Variants in PHLDB2 observed in about 807,000 individuals in gnomAD.
The protein encoded by PHLDB2 is pleckstrin homology like domain family B member 2, also known as pleckstrin homology-like domain family B member 2.
In PHLDB2, 71 loss-of-function variants were observed where a neutral mutation model predicts 123.6. That is an observed-to-expected ratio of 0.57 (90% CI 0.47 to 0.70). The LOEUF (loss-of-function observed/expected upper bound fraction) is 0.70. Among genes scored for constraint, PHLDB2 ranks in the 30% least tolerant of loss-of-function variants. The pLI is 0.00. For synonymous variants in PHLDB2, 547 were observed against 541.6 expected (o/e 1.01, Z -0.14); for missense variants, 1,446 against 1,519.5 (o/e 0.95, Z 0.80).
At chr3:111,763,305 G>A (rs909011303) in intron 1 of PHLDB2, among the ~76,000 whole-genome samples, 7 of 152,202 alleles carry the variant, frequency 4.6e-5, no homozygotes, top group South Asian at 2.1e-4. Flanking sequence ...ACATAATAGC[G>A]AACTGCAAAC....
intron 1 of PHLDB2, among the ~76,000 whole-genome samples, chr3:111,813,012 C>T (rs1559844832): frequency 2.0e-5 from 3 of 152,124 alleles, no homozygotes; most frequent in Admixed American, 6.5e-5. Context: ...CTAGAAGCTC[C>T]GCTAAAGAAG....
intron 2 of PHLDB2, among the ~76,000 whole-genome samples, chr3:111,906,100 C>T (rs1204648747): frequency 1.3e-5 from 2 of 152,172 alleles, no homozygotes; most frequent in Admixed American, 1.3e-4. Context: ...TTGCCTACAA[C>T]GTTCAGTGCA....
At chr3:111,838,260 T>C (rs2063508754) in intron 1 of PHLDB2, among the ~76,000 whole-genome samples, 1 of 152,180 alleles carries the variant, frequency 6.6e-6, no homozygotes, top group African/African-American at 2.4e-5. Context: ...CTTTATCTCC[T>C]GATCGGCTGG....
chr3:111,756,667 A>G (rs1367779646), intron 1 of PHLDB2, among the ~76,000 whole-genome samples: 2 of 152,038 alleles, frequency 1.3e-5, no homozygotes, highest in Admixed American at 1.3e-4. Context: ...TAATATTGTT[A>G]TGTGTGAATT....
chr3:111,761,183 CAA>C (rs60999461), intron 1 of PHLDB2, among the ~76,000 whole-genome samples: 30,154 of 110,962 alleles, frequency 0.27, 3,282 homozygotes, highest in Non-Finnish European at 0.3. Context: ...GACTCCATCT[CAA>C]AAAAAAAAAA....
At chr3:111,868,036 G>C (rs1297545387) in intron 1 of PHLDB2, among the ~76,000 whole-genome samples, 1 of 151,800 alleles carries the variant, frequency 6.6e-6, no homozygotes, top group Non-Finnish European at 1.5e-5. Flanking sequence ...ATCTTGCTGC[G>C]TCACCCAGAC....
In PHLDB2 at chr3:111,859,820, G is replaced by T. The variant is rs1408968496; in HGVS notation, c.-15+244G>T. The T allele has an allele frequency of 3.0e-6, 3 of 985,656 alleles. No individual in the cohort carries two copies. The African/African-American group carries it at 5.2e-5, about 17-fold the overall frequency. 61.1% of individuals were successfully genotyped at this position (985,656 alleles called of 1,614,324 possible). ...GGAGACAGGGTGGGCGGGGGCAAAG[G>T]CTAGGCGCTAGGGCGGCGGCGCCAG... On this transcript the variant is annotated intron_variant, in intron 1 of 17. Coordinates refer to ENST00000431670, the MANE Select transcript of PHLDB2 (RefSeq NM_001134438.2).
At chr3:111,892,228 A>T (rs2066545922) in intron 2 of PHLDB2, among the ~76,000 whole-genome samples, 1 of 152,196 alleles carries the variant, frequency 6.6e-6, no homozygotes, top group Non-Finnish European at 1.5e-5. Flanking sequence ...TAAGGCACAT[A>T]TTAATGTTTC....
chr3:111,959,316 C>G (rs1433341805), intron 12 of PHLDB2, among the ~76,000 whole-genome samples: 1 of 152,166 alleles, frequency 6.6e-6, no homozygotes, highest in East Asian at 1.9e-4. Context: ...AGGGAGGAAG[C>G]TAGGCCAGGT....
chr3:111,751,397 C>A (rs7609653), intron 1 of PHLDB2, among the ~76,000 whole-genome samples: 57,106 of 152,078 alleles, frequency 0.38, 13,080 homozygotes, highest in South Asian at 0.55. Flanking sequence ...CTATTTATTA[C>A]TTATTACCAC....
intron 2 of PHLDB2, among the ~76,000 whole-genome samples, chr3:111,904,757 A>G (rs773141315): frequency 7.2e-5 from 11 of 152,188 alleles, no homozygotes; most frequent in Non-Finnish European, 1.3e-4. Flanking sequence ...GATAATCAAT[A>G]GAGCAAAACC....
At chr3:111,736,997 A>T (rs1029619930) in intron 1 of PHLDB2, among the ~76,000 whole-genome samples, 11 of 152,212 alleles carry the variant, frequency 7.2e-5, no homozygotes, top group Admixed American at 7.2e-4. Flanking sequence ...GCCCTCTCTA[A>T]CCCTGTAATC....
chr3:111,873,792 T>C (rs1331551124), intron 1 of PHLDB2, among the ~76,000 whole-genome samples: 1 of 152,212 alleles, frequency 6.6e-6, no homozygotes, highest in Non-Finnish European at 1.5e-5. Context: ...CAGATTTTTT[T>C]TGTAGCCACA....
rs1306042579 is a variant in PHLDB2 at position 111,805,867 on chromosome 3, G to T, written c.-48-39954G>T. Among the ~76,000 whole-genome samples, 2 of 145,130 alleles carry T rather than the reference G, an allele frequency of 1.4e-5. 1 individual carries two copies. The highest frequency in any genetic ancestry group is 5.2e-5 in the African/African-American group (2 of 38,776). Reference sequence around the variant, plus strand: ...TATGCAAAAAAAAAAAAAAGAAGAAGAAAAAAGAAAAGATACAAGAAGTCA... The same window carrying T: ...TATGCAAAAAAAAAAAAAAGAAGAATAAAAAAGAAAAGATACAAGAAGTCA... On this transcript the variant is annotated intron_variant, in intron 1 of 17. Coordinates refer to the PHLDB2 transcript ENST00000393923.
chr3:111,839,247 T>A (rs1680862679), intron 1 of PHLDB2, among the ~76,000 whole-genome samples: 1 of 152,226 alleles, frequency 6.6e-6, no homozygotes, highest in Non-Finnish European at 1.5e-5. Flanking sequence ...ATAACACATG[T>A]TCCTAGATTG....
At chr3:111,972,082 A>G (rs868462164) in intron 16 of PHLDB2, among the ~76,000 whole-genome samples, 1 of 152,138 alleles carries the variant, frequency 6.6e-6, no homozygotes, top group Non-Finnish European at 1.5e-5. Flanking sequence ...CTGCAAACCA[A>G]AGTTTCCTTC....
chr3:111,919,886 G>A (rs1455537693), intron 4 of PHLDB2, among the ~76,000 whole-genome samples: 3 of 152,144 alleles, frequency 2.0e-5, no homozygotes, highest in Non-Finnish European at 4.4e-5. Context: ...GCATTGCGAG[G>A]AATGCAGAGC....
chr3:111,889,410 A>C (rs1358360247), intron 2 of PHLDB2, among the ~76,000 whole-genome samples: 1 of 151,250 alleles, frequency 6.6e-6, no homozygotes, highest in Admixed American at 6.6e-5. Flanking sequence ...TTTTTAAGAG[A>C]GCACAGTTAG....
At chr3:111,780,404 A>AAGG in intron 1 of PHLDB2, among the ~76,000 whole-genome samples, 2 of 146,102 alleles carry the variant, frequency 1.4e-5, no homozygotes, top group African/African-American at 2.6e-5. Context: ...GAAGAAGAAG[A>AAGG]AGAAGAAAAA....
Sources: gnomAD v4.1 joint callset for allele counts (sites outside exome capture counted in the v4.1 genomes callset) on GRCh38, gnomAD v4.1.1 for gene constraint, MANE v1.5 for transcripts, NCBI Gene and HGNC (gene_info 2026-07-23, HGNC 2026-07-21) for gene names.